The following DNMT3A variants were observed in gnomAD, a reference collection of about 807,000 sequenced individuals.
The protein encoded by DNMT3A is DNA (cytosine-5)-methyltransferase 3A.
Under a neutral mutation model 117.6 loss-of-function variants are expected in DNMT3A, and 267 were observed. The observed-to-expected ratio is 2.27, with a 90% CI of 2.05 to 2.51. The LOEUF (loss-of-function observed/expected upper bound fraction) is 2.51, where lower values mean the gene tolerates loss of function less well. Among genes scored for constraint, DNMT3A ranks in the 30% most tolerant of loss-of-function variants. The pLI, the probability that DNMT3A is intolerant of heterozygous loss-of-function variation, is 0.00. For missense variants in DNMT3A, 1,029 were observed against 1,260.2 expected, an observed-to-expected ratio of 0.82 and a Z score of 2.78; for synonymous variants, 432 against 474.8, an observed-to-expected ratio of 0.91 and a Z score of 1.17.
rs2149271453 is a variant in DNMT3A at position 25,240,349 on chromosome 2, C to T, written c.2275G>A (p.Val759Met). 1 of 1,614,222 alleles carries T rather than the reference C, an allele frequency of 6.2e-7. No homozygotes were observed. The highest frequency in any genetic ancestry group is 8.5e-7 in the Non-Finnish European group (1 of 1,180,038). Residue 759 changes from valine to methionine, a missense_variant, in exon 19 of 23, where the codon GTG (valine) becomes ATG (methionine). Coordinates refer to ENST00000321117, the MANE Select transcript of DNMT3A (RefSeq NM_022552.5). ...CTCTTGTCACTAACGCCCATGGCCA[C>T]CACATTCTCAAAGAGCCAGAAGAAG... is the stretch of plus-strand genomic sequence containing the variant. ...RPFFWLFENV[V>M]AMGVSDKRDI...
At position 25,241,567 on chromosome 2, in the gene DNMT3A, T is replaced by A. The variant is rs1365278000; in HGVS notation, c.2077A>T (p.Lys693Ter). Residue 693 changes from lysine to a stop codon, truncating the protein, a stop_gained, in exon 17 of 23, where the codon AAG becomes TAG. Coordinates refer to ENST00000321117, the MANE Select transcript of DNMT3A (RefSeq NM_022552.5). LOFTEE classifies it high-confidence loss of function. ...YVGDVRSVTQ[K>*]HIQEWGPFDL... is the part of the protein sequence containing the mutation. ...GCCCCACAGCATGGACATACATGCTTCTGTGTGACGCTGCGGACGTCCCCG... is the reference window on the plus strand; with the variant it reads ...GCCCCACAGCATGGACATACATGCTACTGTGTGACGCTGCGGACGTCCCCG... 1 of 1,613,198 alleles carries A rather than the reference T, an allele frequency of 6.2e-7. No homozygotes were observed. Among genetic ancestry groups the A allele is most frequent in the Non-Finnish European group, 8.5e-7 (1 of 1,179,678 alleles).
intron 3 of DNMT3A, among the ~76,000 whole-genome samples, chr2:25,288,524 C>A (rs2032498266): frequency 6.6e-6 from 1 of 151,774 alleles, no homozygotes; most frequent in Non-Finnish European, 1.5e-5. Context: ...CTTGGCCAGG[C>A]TGGTCTTGAA....
Position 25,247,278 on chromosome 2 carries a change from G to A in DNMT3A, c.1015-120C>T, listed in dbSNP as rs992799213. 4 of 971,966 alleles carry A rather than the reference G, an allele frequency of 4.1e-6. No individual in the cohort carries two copies. Among genetic ancestry groups the A allele is most frequent in the Admixed American group, 4.5e-5 (2 of 44,152 alleles). 60.2% of individuals were successfully genotyped at this position (971,966 alleles called of 1,614,324 possible). ...TCAGTCTCAGCCCTGGAGGGGACCA[G>A]ATACAGTGATAAATAATTACCCGAT... On this transcript the variant is annotated intron_variant, in intron 8 of 22. Transcript: ENST00000321117. This position sits in a 1 kb window ranked among gnomAD's most constrained non-coding sequence, Gnocchi z 5.6.
chr2:25,313,966 T>C lies in DNMT3A; in HGVS notation c.19A>G (p.Ser7Gly), dbSNP rs770554124. 10 of 1,548,048 alleles carry C rather than the reference T, an allele frequency of 6.5e-6. No homozygotes were observed. Among genetic ancestry groups the C allele is most frequent in the South Asian group, 2.4e-5 (2 of 83,660 alleles). Reference sequence around the variant, plus strand: ...GAGCTGCTGGTGTCCCCGGGGCCGCTGGAGGGCATGGCGGGCATCTGGGCG... The same window carrying C: ...GAGCTGCTGGTGTCCCCGGGGCCGCCGGAGGGCATGGCGGGCATCTGGGCG... MPAMPSSGPGDTSSSAA... is the reference protein window; with the variant it reads MPAMPSGGPGDTSSSAA... The change falls in exon 2 of 23, where the codon AGC becomes GGC. Residue 7 changes from serine to glycine, a missense_variant. Coordinates refer to ENST00000321117, the MANE Select transcript of DNMT3A (RefSeq NM_022552.5).
intron 1 of DNMT3A, among the ~76,000 whole-genome samples, chr2:25,320,228 C>T (rs1447596595): frequency 3.3e-5 from 5 of 152,182 alleles, no homozygotes; most frequent in Non-Finnish European, 5.9e-5. Flanking sequence ...AGTCACAGAG[C>T]ATCAGCTACA....
chr2:25,248,192 CG>C lies in DNMT3A; in HGVS notation c.699del (p.Glu235SerfsTer81). 6.2e-7 allele frequency: 1 copy of C among 1,613,394 alleles called. No homozygotes were observed. ...GMNAVEENQG[P>X]GESQKVEEAS... ...GCCTCCTCCACCTTCTGAGACTCCC[CG>C]GGCCCCTGGTTTTCTTCCACAGCAT... On this transcript the variant is annotated frameshift_variant, in exon 7 of 23. Coordinates refer to ENST00000321117, the MANE Select transcript of DNMT3A (RefSeq NM_022552.5). LOFTEE classifies it high-confidence loss of function.
rs13383802 is a variant in DNMT3A at position 25,228,127 on chromosome 2, G to A, written c.*6152C>T. 9.8e-4 allele frequency: 139 copies of A among 142,332 alleles called. No individual in the cohort carries two copies. The highest frequency in any genetic ancestry group is 3.4e-3 in the African/African-American group (130 of 38,546). The allele number at this position is 142,332 out of a possible 1,614,324, so 8.8% of individuals were successfully genotyped here. On this transcript the variant is annotated 3_prime_UTR_variant, in exon 23 of 23. Coordinates refer to ENST00000321117, the MANE Select transcript of DNMT3A (RefSeq NM_022552.5). The stretch of plus-strand genomic sequence containing the variant: ...GCAGGGACCCCTCGGGCCCCCACTC[G>A]CCCTTCCCTGAATGTCCTAGAACCA...
At chr2:25,238,984 G>C in intron 20 of DNMT3A, 146 bp downstream of exon 20, 1 of 659,398 alleles carries the variant, frequency 1.5e-6, no homozygotes, top group South Asian at 1.9e-5. Flanking sequence ...CCTCCTCAAG[G>C]AAAAGGAAAT....
At chr2:25,341,110 T>TCGCGG (rs1172753006) in intron 1 of DNMT3A, among the ~76,000 whole-genome samples, 2 of 139,540 alleles carry the variant, frequency 1.4e-5, no homozygotes, top group African/African-American at 5.2e-5. Flanking sequence ...CGGAGGAGGA[T>TCGCGG]CGCGGCGCGG....
intron 6 of DNMT3A, among the ~76,000 whole-genome samples, chr2:25,271,346 G>C (rs900747807): frequency 1.3e-5 from 2 of 152,076 alleles, no homozygotes; most frequent in African/African-American, 4.8e-5. Context: ...GTGAAACTCC[G>C]TCTCAAAAAC....
At chr2:25,284,992 T>G (rs976091915) in intron 3 of DNMT3A, among the ~76,000 whole-genome samples, 3 of 152,188 alleles carry the variant, frequency 2.0e-5, no homozygotes, top group African/African-American at 7.2e-5. Flanking sequence ...TGCTCCAAAA[T>G]GTATGCATGC....
chr2:25,270,951 G>C (rs1377357340), intron 6 of DNMT3A, among the ~76,000 whole-genome samples: 1 of 152,036 alleles, frequency 6.6e-6, no homozygotes, highest in Admixed American at 6.5e-5. Context: ...TTGAACCTGG[G>C]AGATGGAGGT....
chr2:25,258,229 G>A (rs1283685966), intron 6 of DNMT3A, among the ~76,000 whole-genome samples: 1 of 152,210 alleles, frequency 6.6e-6, no homozygotes, highest in African/African-American at 2.4e-5. Context: ...GGGTCACCAT[G>A]GCAACTGCAG....
intron 1 of DNMT3A, among the ~76,000 whole-genome samples, chr2:25,321,024 C>A (rs576190052): frequency 1.3e-5 from 2 of 151,844 alleles, no homozygotes; most frequent in Admixed American, 6.6e-5. Flanking sequence ...CCCAGCTACT[C>A]GGGAAGGCTG....
intron 3 of DNMT3A, among the ~76,000 whole-genome samples, chr2:25,299,346 C>T (rs2033286024): frequency 6.6e-6 from 1 of 152,200 alleles, no homozygotes. Flanking sequence ...GGTTCTCCTG[C>T]TGCCTCACAG....
chr2:25,244,069 A>G, intron 15 of DNMT3A, 86 bp downstream of exon 15: 1 of 1,591,356 alleles, frequency 6.3e-7, no homozygotes, highest in South Asian at 1.1e-5. Context: ...AGGCTCCTAG[A>G]CCCACACACC....
chr2:25,326,188 T>C (rs184054864), intron 1 of DNMT3A, among the ~76,000 whole-genome samples: 1 of 152,042 alleles, frequency 6.6e-6, no homozygotes, highest in African/African-American at 2.4e-5. Flanking sequence ...TTCTTCTTTT[T>C]TTCTCCTTCC....
At chr2:25,341,233 C>T (rs1486953181) in intron 1 of DNMT3A, among the ~76,000 whole-genome samples, 1 of 144,130 alleles carries the variant, frequency 6.9e-6, no homozygotes, top group Non-Finnish European at 1.5e-5. Context: ...GGCGGGGGGC[C>T]GGGTCGTGCC....
At chr2:25,235,436 C>T (rs1321318127) in intron 22 of DNMT3A, among the ~76,000 whole-genome samples, 7 of 152,238 alleles carry the variant, frequency 4.6e-5, no homozygotes, top group African/African-American at 1.4e-4. Context: ...CCACCCGCCT[C>T]GGCCTCCCAA....
Sources: allele counts gnomAD v4.1 joint callset (sites outside exome capture counted in the v4.1 genomes callset), GRCh38; gene constraint gnomAD v4.1.1; non-coding constraint Gnocchi (gnomAD v3.1); transcripts MANE v1.5; gene names NCBI Gene and HGNC (gene_info 2026-07-23, HGNC 2026-07-21).